Variants in XRN1 observed in about 807,000 individuals in gnomAD.
XRN1 encodes the protein strand-exchange protein 1 homolog.
In XRN1, 67 loss-of-function variants were observed where a neutral mutation model predicts 222.3. The ratio of observed to expected loss-of-function variants is 0.30; its 90% CI spans 0.25 to 0.37. XRN1 has a LOEUF of 0.37. Ranked by LOEUF, XRN1 falls within the 10% of genes least tolerant of loss-of-function variation. XRN1 has a pLI of 1.00. For missense variants in XRN1, 1,707 were observed against 2,000.2 expected (o/e 0.85, Z 2.80); for synonymous variants, 643 against 652.4 (o/e 0.99, Z 0.22).
At chr3:142,417,017 A>AG in intron 13 of XRN1, 123 bp downstream of exon 13, 1 of 1,882 alleles carries the variant, frequency 5.3e-4, no homozygotes, top group Admixed American at 0.017. Context: ...CAACAGAGTG[A>AG]AAAAAAAAAA....
chr3:142,393,873 C>CTGGA (rs1209754974), intron 20 of XRN1, among the ~76,000 whole-genome samples: 1 of 151,736 alleles, frequency 6.6e-6, no homozygotes, highest in African/African-American at 2.4e-5. Context: ...GTTGCCCAGG[C>CTGGA]TGGAGTGCAG....
intron 19 of XRN1, 137 bp downstream of exon 19, chr3:142,400,307 T>C (rs2068078647): frequency 3.2e-6 from 2 of 617,766 alleles, no homozygotes; most frequent in East Asian, 3.0e-5. Context: ...GTGGTGTCAT[T>C]AGACGACTTT....
intron 33 of XRN1, among the ~76,000 whole-genome samples, chr3:142,346,964 T>G (rs1014421010): frequency 1.2e-4 from 19 of 152,190 alleles, no homozygotes; most frequent in Non-Finnish European, 2.5e-4. Flanking sequence ...AATAGGCATA[T>G]CCATAGAGGC....
chr3:142,360,473 A>G (rs2066584317), intron 29 of XRN1, among the ~76,000 whole-genome samples: 1 of 152,142 alleles, frequency 6.6e-6, no homozygotes, highest in Non-Finnish European at 1.5e-5. Flanking sequence ...CAATGCTACA[A>G]TGAACATGCA....
intron 33 of XRN1, among the ~76,000 whole-genome samples, chr3:142,344,338 C>T (rs915094139): frequency 6.6e-6 from 1 of 151,808 alleles, no homozygotes; most frequent in Non-Finnish European, 1.5e-5. Flanking sequence ...TCTCATGTAA[C>T]CCATAAATAT....
intron 20 of XRN1, among the ~76,000 whole-genome samples, chr3:142,389,179 C>T (rs553420459): frequency 1.3e-5 from 2 of 152,332 alleles, no homozygotes; most frequent in East Asian, 3.9e-4. Context: ...CACCACTGCA[C>T]TCTGGCTTGG....
chr3:142,425,370 A>T (rs1182928134), intron 4 of XRN1, 38 bp from the exon 5 acceptor site: 1 of 1,587,468 alleles, frequency 6.3e-7, no homozygotes, highest in Admixed American at 1.7e-5. Context: ...GTAATATGGT[A>T]TATGCTTGAG....
intron 19 of XRN1, among the ~76,000 whole-genome samples, chr3:142,400,056 C>T (rs2068070842): frequency 6.6e-6 from 1 of 151,632 alleles, no homozygotes; most frequent in South Asian, 2.1e-4. Flanking sequence ...AGATATGTGC[C>T]CTAAAAAATT....
At chr3:142,349,313 C>T (rs1004443051) in intron 32 of XRN1, among the ~76,000 whole-genome samples, 2 of 151,950 alleles carry the variant, frequency 1.3e-5, no homozygotes, top group African/African-American at 4.8e-5. Flanking sequence ...GGCACAATGG[C>T]TGGTGGGGCT....
chr3:142,421,290 CAT>C lies in XRN1; in HGVS notation c.1036-139_1036-138del, dbSNP rs1031574289. On this transcript the variant is annotated intron_variant, in intron 9 of 40. Coordinates refer to ENST00000392981, the MANE Select transcript of XRN1 (RefSeq NM_001282857.2). ...ACTCTTTTATATATATGGGAGACCT[CAT>C]GTGTTACTCTAAAAATACAAATAGA... 43 of 971,308 alleles carry C rather than the reference CAT, an allele frequency of 4.4e-5. No individual in the cohort carries two copies. In the Admixed American group the frequency reaches 8.8e-4, roughly 20 times the overall value. The allele number at this position is 971,308 out of a possible 1,614,324, so 60.2% of individuals were successfully genotyped here.
At chr3:142,324,244 C>A (rs1236919453) in intron 37 of XRN1, among the ~76,000 whole-genome samples, 1 of 113,222 alleles carries the variant, frequency 8.8e-6, no homozygotes, top group Non-Finnish European at 1.7e-5. Context: ...TATCCCTCCC[C>A]CCTCCCCCCA....
intron 1 of XRN1, among the ~76,000 whole-genome samples, chr3:142,444,914 A>G (rs1318496384): frequency 6.6e-6 from 1 of 152,190 alleles, no homozygotes; most frequent in Non-Finnish European, 1.5e-5. Flanking sequence ...ATACTAATAT[A>G]CCATGTCTAT....
intron 2 of XRN1, among the ~76,000 whole-genome samples, chr3:142,429,338 C>T (rs1306481792): frequency 4.0e-5 from 6 of 151,634 alleles, no homozygotes; most frequent in East Asian, 1.9e-4. Context: ...TTAGTAGAGA[C>T]GGGGTTTCAC....
chr3:142,391,607 T>C (rs1382850791), intron 20 of XRN1, among the ~76,000 whole-genome samples: 1 of 151,934 alleles, frequency 6.6e-6, no homozygotes, highest in Non-Finnish European at 1.5e-5. Context: ...TATGCACCTA[T>C]AGTCCCAGCT....
intron 31 of XRN1, among the ~76,000 whole-genome samples, chr3:142,356,211 T>C (rs1340372912): frequency 1.3e-5 from 2 of 152,168 alleles, no homozygotes; most frequent in Admixed American, 1.3e-4. Flanking sequence ...CAAAATAATC[T>C]AATAAATTTA....
chr3:142,307,937 C>A lies in XRN1; in HGVS notation c.*3574G>T, dbSNP rs1451900698. The A allele has an allele frequency of 6.6e-6, 1 of 152,132 alleles. No homozygotes were observed. The highest frequency in any genetic ancestry group is 2.4e-5 in the African/African-American group (1 of 41,438). The allele number at this position is 152,132 out of a possible 1,614,324, so 9.4% of individuals were successfully genotyped here. On this transcript the variant is annotated 3_prime_UTR_variant, in exon 41 of 41. Coordinates refer to ENST00000392981, the MANE Select transcript of XRN1 (RefSeq NM_001282857.2). ...CACTTCTCTACAATAAATTAATTGTCTTCTACAGTAAAAACAAAATTTGGA... is the reference window on the plus strand; with the variant it reads ...CACTTCTCTACAATAAATTAATTGTATTCTACAGTAAAAACAAAATTTGGA...
chr3:142,445,243 C>T (rs763907273), intron 1 of XRN1, among the ~76,000 whole-genome samples: 54 of 152,182 alleles, frequency 3.5e-4, no homozygotes, highest in Admixed American at 1.4e-3. Context: ...CTCATTCTCA[C>T]ATTTTCATAA....
At chr3:142,365,565 T>G in intron 27 of XRN1, among the ~76,000 whole-genome samples, 199 bp from the exon 28 acceptor site, 1 of 152,206 alleles carries the variant, frequency 6.6e-6, no homozygotes, top group Middle Eastern at 3.4e-3. Flanking sequence ...ATTTAAAAAT[T>G]TTTTAAAGTA....
At chr3:142,431,604 G>A (rs2069529270) in intron 2 of XRN1, among the ~76,000 whole-genome samples, 1 of 151,336 alleles carries the variant, frequency 6.6e-6, no homozygotes, top group South Asian at 2.1e-4. Context: ...CTCACCTGAG[G>A]TGAGGAGTTT....
Sources: gnomAD v4.1 joint callset for allele counts (sites outside exome capture counted in the v4.1 genomes callset) on GRCh38, gnomAD v4.1.1 for gene constraint, MANE v1.5 for transcripts, NCBI Gene and HGNC (gene_info 2026-07-23, HGNC 2026-07-21) for gene names.